FSAF1: variants seen among roughly 807,000 people sequenced by gnomAD.
FSAF1 encodes 40S small subunit processome assembly factor 1, also known as uncharacterized protein C1orf131.
chr1:231,227,010 A>G, the FSAF1 span: 2 of 1,614,022 alleles, frequency 1.2e-6, no homozygotes, highest in South Asian at 2.2e-5. Context: ...CTGTTCCAGG[A>G]TTCTCTCCTT....
the FSAF1 span, chr1:231,237,176 G>A: frequency 1.3e-5 from 2 of 152,214 alleles, no homozygotes; most frequent in Admixed American, 6.5e-5. Flanking sequence ...ATGCGCTAAC[G>A]ATCTTTGAGG....
At chr1:231,224,292 C>T in the FSAF1 span, 1 of 1,610,316 alleles carries the variant, frequency 6.2e-7, no homozygotes. Context: ...TTTGGCCACT[C>T]TGGAAGAATT....
At chr1:231,234,957 A>C in the FSAF1 span, among the ~76,000 whole-genome samples, 1 of 152,148 alleles carries the variant, frequency 6.6e-6, no homozygotes, top group Non-Finnish European at 1.5e-5. This position sits in a 1 kb window ranked among gnomAD's most constrained non-coding sequence, Gnocchi z 4.0. Flanking sequence ...CCTGACCACT[A>C]CATCTAGACC....
the FSAF1 span, chr1:231,237,699 A>G: frequency 3.3e-5 from 5 of 152,364 alleles, no homozygotes; most frequent in African/African-American, 1.2e-4. Flanking sequence ...GAACTGTAAG[A>G]GAATACATTT....
At chr1:231,230,195 A>C in the FSAF1 span, among the ~76,000 whole-genome samples, 1 of 152,162 alleles carries the variant, frequency 6.6e-6, no homozygotes, top group Non-Finnish European at 1.5e-5. Flanking sequence ...AAACTGAGAA[A>C]AAAAGAAAAG....
chr1:231,227,265 C>T, the FSAF1 span, among the ~76,000 whole-genome samples: 18 of 152,144 alleles, frequency 1.2e-4, no homozygotes, highest in Admixed American at 1.2e-3. Flanking sequence ...ACATCTTTCT[C>T]CTGTTTTTTT....
chr1:231,239,292 C>A, the FSAF1 span: 1 of 895,258 alleles, frequency 1.1e-6, no homozygotes, highest in Non-Finnish European at 1.6e-6. Flanking sequence ...GCTATATGCA[C>A]CTAGAAGCAC....
the FSAF1 span, chr1:231,224,504 C>T: frequency 7.4e-7 from 1 of 1,350,034 alleles, no homozygotes; most frequent in Non-Finnish European, 1.0e-6. Context: ...GCAGTCTGGC[C>T]TGCAAACTCC....
chr1:231,238,924 A>G, the FSAF1 span: 5 of 1,613,958 alleles, frequency 3.1e-6, no homozygotes, highest in Non-Finnish European at 4.2e-6. Flanking sequence ...TACCACTTCT[A>G]CTTGTTCCCT....
chr1:231,240,938 C>CA, the FSAF1 span: 1 of 1,217,302 alleles, frequency 8.2e-7, no homozygotes, highest in Non-Finnish European at 1.2e-6. This position sits in a 1 kb window ranked among gnomAD's most constrained non-coding sequence, Gnocchi z 4.1. Flanking sequence ...AGCCTCAAAG[C>CA]AGAGGCCAAC....
At chr1:231,239,061 G>A in the FSAF1 span, 20 of 1,614,150 alleles carry the variant, frequency 1.2e-5, no homozygotes, top group Non-Finnish European at 1.7e-5. Flanking sequence ...TCTTCCTCTG[G>A]CCTCTTATGA....
At chr1:231,226,689 G>A in the FSAF1 span, 3 of 1,487,436 alleles carry the variant, frequency 2.0e-6, no homozygotes, top group Non-Finnish European at 2.8e-6. Context: ...GTGGCAAAGA[G>A]CATCCATCTT....
At chr1:231,231,103 A>T in the FSAF1 span, among the ~76,000 whole-genome samples, 1 of 152,102 alleles carries the variant, frequency 6.6e-6, no homozygotes, top group Non-Finnish European at 1.5e-5. Context: ...CATTTACTTC[A>T]TCTTCCTTCC....
the FSAF1 span, among the ~76,000 whole-genome samples, chr1:231,232,882 T>G: frequency 6.6e-6 from 1 of 152,160 alleles, no homozygotes; most frequent in Admixed American, 6.5e-5. Context: ...TGTCTCCAAT[T>G]AGAGAGAGAG....
chr1:231,229,669 A>C, the FSAF1 span, among the ~76,000 whole-genome samples: 1 of 152,238 alleles, frequency 6.6e-6, no homozygotes, highest in African/African-American at 2.4e-5. Flanking sequence ...GCCTGAAAAA[A>C]GAAGGAACTC....
chr1:231,225,579 C>T, the FSAF1 span: 2 of 1,503,980 alleles, frequency 1.3e-6, no homozygotes, highest in South Asian at 2.3e-5. Flanking sequence ...GGGATTCAAA[C>T]AAAAGGCAAG....
At chr1:231,229,221 A>C in the FSAF1 span, 2 of 1,549,142 alleles carry the variant, frequency 1.3e-6, no homozygotes, top group East Asian at 2.3e-5. Context: ...TGAGAGAAAA[A>C]ATTCTTATTT....
the FSAF1 span, chr1:231,226,382 G>C: frequency 2.4e-5 from 7 of 292,568 alleles, no homozygotes; most frequent in Admixed American, 3.3e-4. Flanking sequence ...AGCAGCTTCA[G>C]ATGCTCACCG....
chr1:231,238,837 T>C, the FSAF1 span: 7 of 1,594,104 alleles, frequency 4.4e-6, no homozygotes, highest in African/African-American at 4.0e-5. Context: ...CACGTATATA[T>C]AAGCTAACCA....
Sources: allele counts gnomAD v4.1 joint callset (sites outside exome capture counted in the v4.1 genomes callset), GRCh38; gene constraint gnomAD v4.1.1; non-coding constraint Gnocchi (gnomAD v3.1); transcripts MANE v1.5; gene names NCBI Gene and HGNC (gene_info 2026-07-23, HGNC 2026-07-21).